The following SRSF4 variants were observed in gnomAD, a reference collection of about 807,000 sequenced individuals.
SRSF4 encodes the protein serine and arginine rich splicing factor 4.
In SRSF4, 12 loss-of-function variants were observed where a neutral mutation model predicts 48.8. The ratio of observed to expected loss-of-function variants is 0.25; its 90% CI spans 0.16 to 0.40. SRSF4 has a LOEUF of 0.40. SRSF4 is among the 10% of genes least tolerant of loss of function. The pLI is 1.00. For missense variants in SRSF4, 466 were observed against 667.1 expected, an observed-to-expected ratio of 0.70 and a Z score of 3.32; for synonymous variants, 248 against 232.5, an observed-to-expected ratio of 1.07 and a Z score of -0.61.
chr1:29,151,621 C>T (rs1001108994), intron 4 of SRSF4, among the ~76,000 whole-genome samples: 21 of 152,142 alleles, frequency 1.4e-4, no homozygotes, highest in African/African-American at 4.6e-4. Context: ...GATTAGATCC[C>T]GGTTAAGAAA....
At chr1:29,170,472 A>G (rs1672730857) in intron 1 of SRSF4, 1 of 152,200 alleles carries the variant, frequency 6.6e-6, no homozygotes, top group South Asian at 2.1e-4. Context: ...GCTTCATTAA[A>G]GATGATGCCT....
intron 3 of SRSF4, among the ~76,000 whole-genome samples, chr1:29,158,433 CTT>C (rs71586891): frequency 5.6e-5 from 8 of 143,206 alleles, no homozygotes; most frequent in Admixed American, 7.0e-5. Context: ...TCTTGTAACC[CTT>C]TTTTTTTTTT....
At chr1:29,156,687 C>A (rs1672504473) in intron 3 of SRSF4, among the ~76,000 whole-genome samples, 1 of 152,142 alleles carries the variant, frequency 6.6e-6, no homozygotes, top group Non-Finnish European at 1.5e-5. Context: ...GAGAGTGGAA[C>A]TGCCTGAAGG....
At chr1:29,177,367 T>C (rs962732501) in intron 1 of SRSF4, among the ~76,000 whole-genome samples, 100 of 151,722 alleles carry the variant, frequency 6.6e-4, no homozygotes, top group African/African-American at 2.0e-3. Context: ...CCGCAACCTA[T>C]GCCTCTGAGG....
In SRSF4 at chr1:29,148,435, C is replaced by T. The variant is rs750683028; in HGVS notation, c.1460G>A (p.Arg487Lys). Reference sequence around the variant, plus strand: ...TTAGGACCTTGAGTGGGACCTAGATCTAGATCGGGAGGGCGATCTGGAAGC... The same window carrying T: ...TTAGGACCTTGAGTGGGACCTAGATTTAGATCGGGAGGGCGATCTGGAAGC... ...RSASRSPSRSRSRSHSRS is the reference protein window; with the variant it reads ...RSASRSPSRSKSRSHSRS The change falls in exon 6 of 6, where the codon AGA becomes AAA. Residue 487 changes from arginine (R) to lysine (K), a missense_variant. Around this residue, in one of 2 missense-constraint regions of SRSF4, gnomAD observed 402 missense variants for 437.0 expected, o/e 0.92. Transcript: ENST00000373795. The T allele has an allele frequency of 1.9e-6, 3 of 1,606,090 alleles. No homozygotes were observed. Among genetic ancestry groups the T allele is most frequent in the East Asian group, 4.5e-5 (2 of 44,852 alleles).
At chr1:29,166,486 C>G (rs1042143436) in intron 1 of SRSF4, among the ~76,000 whole-genome samples, 1 of 152,192 alleles carries the variant, frequency 6.6e-6, no homozygotes, top group African/African-American at 2.4e-5. Context: ...CAGGCCCTCA[C>G]AGAAGAATTA....
chr1:29,160,745 C>CT (rs1401150846), intron 1 of SRSF4, among the ~76,000 whole-genome samples: 22 of 152,192 alleles, frequency 1.4e-4, no homozygotes, highest in African/African-American at 5.1e-4. Context: ...TAGGAGGAGG[C>CT]TGGCTACATA....
Position 29,181,708 on chromosome 1 carries a change from C to T in SRSF4, c.45G>A (p.Glu15=), listed in dbSNP as rs150153040. 3.6e-4 allele frequency: 575 copies of T among 1,595,722 alleles called. No individual in the cohort carries two copies. Among genetic ancestry groups the T allele is most frequent in the Non-Finnish European group, 4.5e-4 (525 of 1,173,108 alleles). ...CCTTAAAGAAGCGCTCCACATCGCGCTCCCGGGCCTGGTAGCTCAGGCGGC... is the reference window on the plus strand; with the variant it reads ...CCTTAAAGAAGCGCTCCACATCGCGTTCCCGGGCCTGGTAGCTCAGGCGGC... ...YIGRLSYQAR[E]RDVERFFKGY... is the part of the protein sequence containing the mutation. Residue 15 remains glutamate, a synonymous_variant, in exon 1 of 6, where the codon GAG becomes GAA. Transcript: ENST00000373795.
chr1:29,169,700 T>A (rs866410830), intron 1 of SRSF4: 1 of 151,960 alleles, frequency 6.6e-6, no homozygotes, highest in Non-Finnish European at 1.5e-5. Context: ...TGAAAAAAAA[T>A]CTCTAATGAT....
At chr1:29,153,948 G>T (rs1387961471) in intron 4 of SRSF4, among the ~76,000 whole-genome samples, 1 of 152,046 alleles carries the variant, frequency 6.6e-6, no homozygotes, top group Non-Finnish European at 1.5e-5. Context: ...CCAGGCTGGA[G>T]TGGAATAGTG....
At chr1:29,158,298 T>C (rs996480978) in intron 3 of SRSF4, among the ~76,000 whole-genome samples, 1 of 152,192 alleles carries the variant, frequency 6.6e-6, no homozygotes, top group Non-Finnish European at 1.5e-5. Context: ...TGGGTCAGAT[T>C]GTCAATTTCA....
At chr1:29,157,214 C>T (rs542822373) in intron 3 of SRSF4, among the ~76,000 whole-genome samples, 1 of 152,156 alleles carries the variant, frequency 6.6e-6, no homozygotes, top group African/African-American at 2.4e-5. Context: ...CTTTCCTCCT[C>T]CCACAAGAGG....
chr1:29,151,132 C>T (rs1467102479), intron 4 of SRSF4, among the ~76,000 whole-genome samples: 1 of 152,132 alleles, frequency 6.6e-6, no homozygotes, highest in African/African-American at 2.4e-5. Flanking sequence ...GGGCCTAGAC[C>T]ATCTCATTAT....
chr1:29,153,710 T>G (rs183391161), intron 4 of SRSF4, among the ~76,000 whole-genome samples: 34 of 151,344 alleles, frequency 2.2e-4, no homozygotes, highest in African/African-American at 7.8e-4. Flanking sequence ...GCAATTCTCC[T>G]GCCTCAGCCT....
rs778992152 is a variant in SRSF4 at position 29,149,111 on chromosome 1, C to T, written c.784G>A (p.Ala262Thr). ...TTGCTCTTGCTGCGGCTCTTGCCAG[C>T]GCTATGGCTGCGGCTGCGGCTCTTT... is the stretch of plus-strand genomic sequence containing the variant. Reference protein sequence around the residue: ...KEKSRSRSHSAGKSRSKSKDQ... With the variant: ...KEKSRSRSHSTGKSRSKSKDQ... The change falls in exon 6 of 6, where the codon GCT (alanine) becomes ACT (threonine). Residue 262 changes from alanine to threonine, a missense_variant. Ala to Thr is a moderately conservative substitution (Grantham distance 58, BLOSUM62 0). Transcript: ENST00000373795. The T allele has an allele frequency of 5.6e-6, 9 of 1,610,124 alleles. No homozygotes were observed. The highest frequency in any genetic ancestry group is 2.2e-5 in the East Asian group (1 of 44,716).
At chr1:29,154,360 A>T in intron 4 of SRSF4, 1 of 214,870 alleles carries the variant, frequency 4.7e-6, no homozygotes, top group Non-Finnish European at 9.2e-6. Context: ...CACAGCGCCC[A>T]GCATTTTTGT....
chr1:29,160,517 T>C lies in SRSF4; in HGVS notation c.108A>G (p.Gly36=), dbSNP rs767041111. Residue 36 remains glycine, a splice_region_variant and synonymous_variant, in exon 2 of 6, where the codon GGA becomes GGG. Transcript: ENST00000373795. ...GATCATCAAACTCCACAAAACCATA[T>C]CTAGAAGAGAGCAAAGAAAATACTG... is the stretch of plus-strand genomic sequence containing the variant. ...GKILEVDLKN[G]YGFVEFDDLR... 24 of 1,604,316 alleles carry C rather than the reference T, an allele frequency of 1.5e-5. No homozygotes were observed. The East Asian group carries it at 5.2e-4, about 35-fold the overall frequency.
chr1:29,158,758 T>C (rs982118792), intron 3 of SRSF4, among the ~76,000 whole-genome samples: 2 of 152,088 alleles, frequency 1.3e-5, no homozygotes, highest in African/African-American at 4.8e-5. Context: ...CGGGGTAACA[T>C]AGTGACAACC....
At chr1:29,165,778 G>A (rs966899657) in intron 1 of SRSF4, 2 of 152,276 alleles carry the variant, frequency 1.3e-5, no homozygotes, top group Non-Finnish European at 2.9e-5. Flanking sequence ...GGGAAAGCAA[G>A]CCTCCATGCG....
Sources: allele counts gnomAD v4.1 joint callset (sites outside exome capture counted in the v4.1 genomes callset), GRCh38; gene constraint gnomAD v4.1.1; regional missense constraint gnomAD v4.1.1; transcripts MANE v1.5; gene names NCBI Gene and HGNC (gene_info 2026-07-23, HGNC 2026-07-21).